NEGR1: variants seen among roughly 807,000 people sequenced by gnomAD.
NEGR1 encodes the protein IgLON family member 4.
In NEGR1, 10 loss-of-function variants were observed where a neutral mutation model predicts 40.9. The ratio of observed to expected loss-of-function variants is 0.24; its 90% CI spans 0.15 to 0.42. NEGR1 has a LOEUF of 0.42. NEGR1 is among the 10% of genes least tolerant of loss of function. The pLI, the probability that NEGR1 is intolerant of heterozygous loss-of-function variation, is 1.00. For synonymous variants in NEGR1, 185 were observed against 166.8 expected, an observed-to-expected ratio of 1.11 and a Z score of -0.84; for missense variants, 352 against 438.9, an observed-to-expected ratio of 0.80 and a Z score of 1.77.
intron 1 of NEGR1, among the ~76,000 whole-genome samples, chr1:72,207,734 G>A (rs1017059354): frequency 1.3e-5 from 2 of 151,644 alleles, no homozygotes; most frequent in Admixed American, 6.6e-5. Context: ...TCTGGCTATG[G>A]TCATTTTTAG....
chr1:71,786,868 A>ACAAAG (rs1161547099), intron 2 of NEGR1, among the ~76,000 whole-genome samples: 1 of 152,208 alleles, frequency 6.6e-6, no homozygotes, highest in Non-Finnish European at 1.5e-5. Context: ...ACAAAACAAA[A>ACAAAG]CAAAGCAAAA....
At chr1:71,977,908 TTC>T (rs1646321129) in intron 1 of NEGR1, among the ~76,000 whole-genome samples, 1 of 152,118 alleles carries the variant, frequency 6.6e-6, no homozygotes, top group Non-Finnish European at 1.5e-5. Context: ...CAGAATAAAT[TTC>T]TTTCCAACCT....
At chr1:71,640,920 T>C (rs1651328712) in intron 4 of NEGR1, among the ~76,000 whole-genome samples, 1 of 151,996 alleles carries the variant, frequency 6.6e-6, no homozygotes, top group Non-Finnish European at 1.5e-5. Context: ...AACAGAGGCT[T>C]ATGGGATGGA....
chr1:71,421,916 C>CTT (rs199992043), intron 6 of NEGR1, among the ~76,000 whole-genome samples: 4 of 143,362 alleles, frequency 2.8e-5, no homozygotes. Context: ...CCTTGTTACA[C>CTT]TTTTTTTTTT....
At chr1:71,713,302 A>G (rs985155721) in intron 3 of NEGR1, among the ~76,000 whole-genome samples, 1 of 152,216 alleles carries the variant, frequency 6.6e-6, no homozygotes, top group African/African-American at 2.4e-5. Flanking sequence ...TAGCACTAGG[A>G]AAAGGTCTAC....
chr1:71,633,860 T>C (rs1303672850), intron 4 of NEGR1, among the ~76,000 whole-genome samples: 1 of 152,116 alleles, frequency 6.6e-6, no homozygotes, highest in Non-Finnish European at 1.5e-5. Context: ...TATTATCTTT[T>C]TTAGCCAAGG....
chr1:72,143,247 T>C (rs1205565151), intron 1 of NEGR1, among the ~76,000 whole-genome samples: 1 of 151,970 alleles, frequency 6.6e-6, no homozygotes, highest in Non-Finnish European at 1.5e-5. Flanking sequence ...AGAAGAACTT[T>C]GTTTATATAT....
chr1:72,071,200 C>T (rs997336481), intron 1 of NEGR1, among the ~76,000 whole-genome samples: 2 of 151,844 alleles, frequency 1.3e-5, no homozygotes, highest in East Asian at 1.9e-4. Flanking sequence ...AAAAGTCAGA[C>T]ATGTTGAATA....
chr1:71,545,065 C>T (rs1411140130), intron 6 of NEGR1, among the ~76,000 whole-genome samples: 3 of 151,612 alleles, frequency 2.0e-5, no homozygotes, highest in Non-Finnish European at 4.4e-5. Context: ...TTATTATATG[C>T]TGAGTGCTAT....
chr1:72,245,738 C>G (rs1654881525), intron 1 of NEGR1, among the ~76,000 whole-genome samples: 1 of 152,042 alleles, frequency 6.6e-6, no homozygotes. Flanking sequence ...TTTCCATAAA[C>G]AGTAATGAAA....
At chr1:71,754,411 C>T (rs776264726) in intron 3 of NEGR1, among the ~76,000 whole-genome samples, 7 of 152,242 alleles carry the variant, frequency 4.6e-5, no homozygotes, top group Middle Eastern at 3.4e-3. Flanking sequence ...GTCTTTTTAA[C>T]ATAAATATTT....
intron 1 of NEGR1, among the ~76,000 whole-genome samples, chr1:72,080,477 T>C (rs1455075073): frequency 6.6e-6 from 1 of 152,056 alleles, no homozygotes; most frequent in East Asian, 1.9e-4. Context: ...AAAGAACATA[T>C]GTAATATGGA....
At chr1:71,999,955 AATAGTAATACCCAT>A (rs1557476981) in intron 1 of NEGR1, among the ~76,000 whole-genome samples, 1 of 151,780 alleles carries the variant, frequency 6.6e-6, no homozygotes, top group Non-Finnish European at 1.5e-5. Context: ...TCCATATTAC[AATAGTAATACCCAT>A]ATTTGAGCCT....
chr1:71,443,189 AT>A (rs1376765141), intron 6 of NEGR1, among the ~76,000 whole-genome samples: 1 of 152,080 alleles, frequency 6.6e-6, no homozygotes, highest in African/African-American at 2.4e-5. Context: ...GATTTTGTAA[AT>A]TTTTTTATTG....
intron 1 of NEGR1, among the ~76,000 whole-genome samples, chr1:72,219,290 T>C (rs1430589654): frequency 6.6e-6 from 1 of 152,034 alleles, no homozygotes; most frequent in East Asian, 1.9e-4. Context: ...TAATAAACAG[T>C]GATGGTAAAG....
At chr1:71,958,894 G>A (rs1300304851) in intron 1 of NEGR1, among the ~76,000 whole-genome samples, 2 of 150,588 alleles carry the variant, frequency 1.3e-5, no homozygotes, top group Non-Finnish European at 2.9e-5. Context: ...GGGGGAGGTT[G>A]CAGTAAGCCG....
chr1:71,769,334 C>A (rs1427746865), intron 3 of NEGR1, among the ~76,000 whole-genome samples: 1 of 152,076 alleles, frequency 6.6e-6, no homozygotes, highest in East Asian at 1.9e-4. Flanking sequence ...TTGTGAGCAG[C>A]TATGTGAATT....
At position 71,843,748 on chromosome 1, in the gene NEGR1, A is replaced by G. The variant is rs116750346; in HGVS notation, c.410-67451T>C. ...TTATGAAAATAAATTCTAGCTTAGC[A>G]TTTAAAAAATCTGAAATTGACCTAT... On this transcript the variant is annotated intron_variant, in intron 2 of 6. Coordinates refer to ENST00000357731, the MANE Select transcript of NEGR1 (RefSeq NM_173808.3). Among the ~76,000 whole-genome samples, 576 of 152,276 alleles carry G rather than the reference A, an allele frequency of 3.8e-3. 2 individuals are homozygous for G. The highest frequency in any genetic ancestry group is 0.013 in the African/African-American group (529 of 41,560).
At chr1:72,173,156 G>A (rs903399003) in intron 1 of NEGR1, among the ~76,000 whole-genome samples, 1 of 150,842 alleles carries the variant, frequency 6.6e-6, no homozygotes. Context: ...ACAGGTGTGT[G>A]CCAGCACACC....
Sources: gnomAD v4.1 joint callset for allele counts (sites outside exome capture counted in the v4.1 genomes callset) on GRCh38, gnomAD v4.1.1 for gene constraint, MANE v1.5 for transcripts, NCBI Gene and HGNC (gene_info 2026-07-23, HGNC 2026-07-21) for gene names.